Variants in PDE11A observed in about 807,000 individuals in gnomAD.
The protein encoded by PDE11A is phosphodiesterase 11A, also known as dual 3',5'-cyclic-AMP and -GMP phosphodiesterase 11A.
In PDE11A, 100 loss-of-function variants were observed where a neutral mutation model predicts 100.5. That is an observed-to-expected ratio of 1.00 (90% confidence interval 0.85 to 1.18). The LOEUF (loss-of-function observed/expected upper bound fraction) is 1.18, where lower values mean the gene tolerates loss of function less well. PDE11A is among the 50% of genes most tolerant of loss of function. PDE11A has a pLI of 0.00. For missense variants in PDE11A, 1,141 were observed against 1,152.6 expected (o/e 0.99, Z 0.15); for synonymous variants, 381 against 420.8 (o/e 0.91, Z 1.16).
At chr2:178,053,057 AC>A (rs1209376194) in intron 1 of PDE11A, among the ~76,000 whole-genome samples, 2 of 152,190 alleles carry the variant, frequency 1.3e-5, no homozygotes, top group Non-Finnish European at 2.9e-5. Flanking sequence ...CAGAGACACA[AC>A]AAAAAAAGAG....
intron 6 of PDE11A, among the ~76,000 whole-genome samples, chr2:177,831,793 C>T (rs1405580269): frequency 6.6e-6 from 1 of 152,186 alleles, no homozygotes; most frequent in African/African-American, 2.4e-5. Flanking sequence ...TATTAAACCA[C>T]AGAAATTTTG....
intron 19 of PDE11A, among the ~76,000 whole-genome samples, chr2:177,654,749 T>C (rs1370287752): frequency 6.6e-6 from 1 of 152,194 alleles, no homozygotes; most frequent in Non-Finnish European, 1.5e-5. Context: ...ATGTATATTT[T>C]CTTTACTGTT....
intron 2 of PDE11A, among the ~76,000 whole-genome samples, chr2:177,927,325 TGTC>T (rs2085139546): frequency 6.6e-6 from 1 of 152,264 alleles, no homozygotes; most frequent in African/African-American, 2.4e-5. Context: ...ACCTGCCACT[TGTC>T]GTACTTATGT....
chr2:177,844,713 A>G (rs986091541), intron 5 of PDE11A, among the ~76,000 whole-genome samples: 1 of 151,090 alleles, frequency 6.6e-6, no homozygotes, highest in African/African-American at 2.4e-5. Context: ...GTCCCTGGGT[A>G]CTTGAGATTA....
At chr2:178,098,101 G>A (rs895421357) in intron 2 of PDE11A, among the ~76,000 whole-genome samples, 1 of 152,116 alleles carries the variant, frequency 6.6e-6, no homozygotes, top group Non-Finnish European at 1.5e-5. Context: ...AAGGCAACAG[G>A]CTGGTTTCAT....
At chr2:177,789,257 C>A (rs1265477140) in intron 9 of PDE11A, among the ~76,000 whole-genome samples, 1 of 152,014 alleles carries the variant, frequency 6.6e-6, no homozygotes, top group African/African-American at 2.4e-5. Context: ...TAAATGTAAT[C>A]CAGCATATAA....
intron 1 of PDE11A, among the ~76,000 whole-genome samples, chr2:178,044,316 T>G (rs778974968): frequency 1.6e-4 from 14 of 85,132 alleles, no homozygotes; most frequent in Non-Finnish European, 3.6e-4. Flanking sequence ...AATCCTGATT[T>G]TACCATATTT....
intron 19 of PDE11A, among the ~76,000 whole-genome samples, chr2:177,643,003 A>G (rs958405920): frequency 6.6e-6 from 1 of 152,174 alleles, no homozygotes; most frequent in African/African-American, 2.4e-5. Context: ...GTCTTCCACC[A>G]TGACTGTGAG....
At chr2:178,011,317 T>C (rs1193092542) in intron 2 of PDE11A, among the ~76,000 whole-genome samples, 1 of 152,170 alleles carries the variant, frequency 6.6e-6, no homozygotes, top group Non-Finnish European at 1.5e-5. Context: ...CTAAGCTGAT[T>C]GCTACAGAGA....
chr2:177,993,537 C>T (rs1335083270), intron 2 of PDE11A, among the ~76,000 whole-genome samples: 1 of 152,100 alleles, frequency 6.6e-6, no homozygotes, highest in African/African-American at 2.4e-5. Context: ...TTAACAAGCT[C>T]AATGTGCAAC....
At chr2:177,994,022 C>T (rs990648149) in intron 2 of PDE11A, among the ~76,000 whole-genome samples, 2 of 151,534 alleles carry the variant, frequency 1.3e-5, no homozygotes, top group African/African-American at 4.8e-5. Flanking sequence ...TGCAACCTCC[C>T]CCTCCCCGAG....
At chr2:177,938,145 A>C (rs1249355428) in intron 2 of PDE11A, among the ~76,000 whole-genome samples, 4 of 152,170 alleles carry the variant, frequency 2.6e-5, no homozygotes, top group African/African-American at 7.2e-5. Context: ...AGGAGGGAAG[A>C]GTGCTAGCAG....
chr2:177,872,758 A>T (rs1017753101), intron 5 of PDE11A, among the ~76,000 whole-genome samples: 10 of 152,304 alleles, frequency 6.6e-5, no homozygotes, highest in Middle Eastern at 3.4e-3. Context: ...CTGTGAGATC[A>T]AGCTGTGATT....
chr2:177,812,145 T>A (rs1285536755), intron 9 of PDE11A, among the ~76,000 whole-genome samples: 1 of 152,182 alleles, frequency 6.6e-6, no homozygotes, highest in East Asian at 1.9e-4. Flanking sequence ...TTTGTAACTG[T>A]TAAAACAGGC....
chr2:177,669,538 G>T lies in PDE11A; in HGVS notation c.2517C>A (p.Phe839Leu). The T allele has an allele frequency of 2.0e-6, 3 of 1,478,380 alleles. No homozygotes were observed. The highest frequency in any genetic ancestry group is 2.8e-6 in the Non-Finnish European group (3 of 1,056,510). The allele number at this position is 1,478,380 out of a possible 1,614,324, so 91.6% of individuals were successfully genotyped here. ...QVAELVTSEFFEQGDRERLEL... is the reference protein window; with the variant it reads ...QVAELVTSEFLEQGDRERLEL... The stretch of plus-strand genomic sequence containing the variant: ...CTAATCTCTCCCGATCTCCTTGTTC[G>T]AAGAACTCACTGGTTACAAGTTCTG... Residue 839 changes from phenylalanine (F) to leucine (L), a missense_variant, in exon 18 of 20, where the codon TTC (phenylalanine) becomes TTA (leucine). Phe to Leu is a conservative substitution (Grantham distance 22). Transcript: ENST00000286063.
chr2:177,631,322 A>AAAAAAC (rs1469522170), intron 19 of PDE11A, among the ~76,000 whole-genome samples: 11 of 16,882 alleles, frequency 6.5e-4, no homozygotes, highest in Admixed American at 1.1e-3. Flanking sequence ...AAAAAAAAAA[A>AAAAAAC]CAACCTAGGC....
intron 2 of PDE11A, among the ~76,000 whole-genome samples, chr2:178,001,205 A>G (rs1463953276): frequency 6.6e-6 from 1 of 152,052 alleles, no homozygotes; most frequent in African/African-American, 2.4e-5. Context: ...AAAAGAAAAC[A>G]CTGAGAAATA....
chr2:178,104,111 T>A (rs1048299599), intron 2 of PDE11A, among the ~76,000 whole-genome samples: 2 of 152,238 alleles, frequency 1.3e-5, no homozygotes, highest in Non-Finnish European at 2.9e-5. Context: ...ACAAGATTCT[T>A]AATTCTTCTG....
intron 4 of PDE11A, among the ~76,000 whole-genome samples, chr2:177,894,032 A>C (rs551557492): frequency 5.9e-4 from 90 of 152,276 alleles, no homozygotes; most frequent in African/African-American, 2.1e-3. Context: ...GATGACCAAA[A>C]ATGTACAGAT....
Sources: gnomAD v4.1 joint callset for allele counts (sites outside exome capture counted in the v4.1 genomes callset) on GRCh38, gnomAD v4.1.1 for gene constraint, MANE v1.5 for transcripts, NCBI Gene and HGNC (gene_info 2026-07-23, HGNC 2026-07-21) for gene names.